The following PARM1 variants were observed in gnomAD, a reference collection of about 807,000 sequenced individuals.
The protein encoded by PARM1 is WSC4, cell wall integrity and stress response component 4 homolog.
In PARM1, 14 loss-of-function variants were observed where a neutral mutation model predicts 24.6. The observed-to-expected ratio is 0.57, with a 90% CI of 0.38 to 0.89. PARM1 has a LOEUF of 0.89. Ranked by LOEUF, PARM1 falls within the 40% of genes least tolerant of loss-of-function variation. PARM1 has a pLI of 0.00. For synonymous variants in PARM1, 179 were observed against 156.6 expected (o/e 1.14, Z -1.07); for missense variants, 362 against 380.4 (o/e 0.95, Z 0.40).
intron 1 of PARM1, among the ~76,000 whole-genome samples, chr4:74,941,758 A>G (rs1721314118): frequency 6.6e-6 from 1 of 152,198 alleles, no homozygotes; most frequent in Non-Finnish European, 1.5e-5. Flanking sequence ...TGTGATGTAA[A>G]GATGAAAGCA....
intron 1 of PARM1, among the ~76,000 whole-genome samples, chr4:74,963,105 C>T (rs947632671): frequency 1.3e-5 from 2 of 152,218 alleles, no homozygotes; most frequent in Admixed American, 1.3e-4. Context: ...TTCTCCTTTG[C>T]CTTCTGCTAT....
chr4:74,970,448 A>G (rs1471479663), intron 1 of PARM1: 1 of 152,214 alleles, frequency 6.6e-6, no homozygotes, highest in Non-Finnish European at 1.5e-5. Context: ...TCATTTAAGC[A>G]GTGGCACAGA....
At chr4:75,029,398 T>C (rs1162394612) in intron 2 of PARM1, among the ~76,000 whole-genome samples, 1 of 151,950 alleles carries the variant, frequency 6.6e-6, no homozygotes, top group African/African-American at 2.4e-5. Context: ...CCATGTGTCA[T>C]GGGAGGGACC....
chr4:74,961,701 CAAG>C (rs1363052265), intron 1 of PARM1, among the ~76,000 whole-genome samples: 1 of 152,062 alleles, frequency 6.6e-6, no homozygotes, highest in Non-Finnish European at 1.5e-5. Flanking sequence ...AGCTGTCAAC[CAAG>C]AATCCTATAT....
At position 75,046,433 on chromosome 4, in the gene PARM1, C is replaced by A. The variant is rs1330916177; in HGVS notation, c.*186C>A. The A allele has an allele frequency of 9.8e-6, 5 of 509,252 alleles. No individual in the cohort carries two copies. The highest frequency in any genetic ancestry group is 1.8e-5 in the Non-Finnish European group (5 of 280,296). 31.5% of individuals were successfully genotyped at this position (509,252 alleles called of 1,614,324 possible). ...CTTCCCCTTTCTGGTACAAGAAGAACCATTCTTTAAAGGTGAGTGGAGGCT... is the reference window on the plus strand; with the variant it reads ...CTTCCCCTTTCTGGTACAAGAAGAAACATTCTTTAAAGGTGAGTGGAGGCT... On this transcript the variant is annotated 3_prime_UTR_variant, in exon 4 of 4. Transcript: ENST00000307428.
chr4:75,013,120 A>AT lies in PARM1; in HGVS notation c.740dup (p.Met247IlefsTer49). ...CACCACCACCTTTCCCAGGGTGATC[A>AT]TGCAGGAAGTAGAACATGCATTAAG... On this transcript the variant is annotated frameshift_variant, in exon 2 of 4. Transcript: ENST00000307428. LOFTEE classifies it high-confidence loss of function. The AT allele has an allele frequency of 6.2e-7, 1 of 1,613,740 alleles. No homozygotes were observed. Among genetic ancestry groups the AT allele is most frequent in the South Asian group, 1.1e-5 (1 of 91,054 alleles).
intron 1 of PARM1, chr4:74,956,585 G>A (rs749896425): frequency 2.0e-5 from 3 of 152,124 alleles, no homozygotes; most frequent in Non-Finnish European, 4.4e-5. Flanking sequence ...CATTTTTTGT[G>A]AACTTGCATT....
chr4:74,970,281 C>T (rs1416320397), intron 1 of PARM1: 1 of 152,318 alleles, frequency 6.6e-6, no homozygotes, highest in Non-Finnish European at 1.5e-5. Flanking sequence ...CTAACTTGTA[C>T]CTCACCAGTC....
At chr4:74,989,796 A>G (rs1021388150) in intron 1 of PARM1, among the ~76,000 whole-genome samples, 2 of 152,134 alleles carry the variant, frequency 1.3e-5, no homozygotes, top group African/African-American at 4.8e-5. Context: ...AGCACACAAA[A>G]GACACTATTA....
intron 1 of PARM1, among the ~76,000 whole-genome samples, chr4:74,960,852 CA>C (rs60838371): frequency 0.098 from 13,899 of 141,798 alleles, 657 homozygotes; most frequent in African/African-American, 0.12. Context: ...ACTAAAAATA[CA>C]AAAAAAAAAA....
chr4:74,963,790 G>T (rs1721833080), intron 1 of PARM1, among the ~76,000 whole-genome samples: 1 of 151,944 alleles, frequency 6.6e-6, no homozygotes, highest in South Asian at 2.1e-4. Context: ...TCTTAAAAAT[G>T]GTTAAAATGG....
At chr4:75,028,561 A>G (rs1272720749) in intron 2 of PARM1, among the ~76,000 whole-genome samples, 2 of 152,252 alleles carry the variant, frequency 1.3e-5, no homozygotes, top group African/African-American at 4.8e-5. Flanking sequence ...GACTCTTCTC[A>G]AAATAGATCA....
chr4:74,951,569 C>G (rs930572949), intron 1 of PARM1, among the ~76,000 whole-genome samples: 1 of 152,086 alleles, frequency 6.6e-6, no homozygotes, highest in African/African-American at 2.4e-5. Context: ...AGGTATTTCT[C>G]CTAATGCTGT....
At chr4:74,958,546 A>G (rs1211674806) in intron 1 of PARM1, among the ~76,000 whole-genome samples, 2 of 152,226 alleles carry the variant, frequency 1.3e-5, no homozygotes, top group African/African-American at 4.8e-5. Context: ...CAAAGCATAT[A>G]CAAAGGTCCA....
At chr4:74,934,713 CTGGCTGCGGG>C (rs1721139822) in intron 1 of PARM1, among the ~76,000 whole-genome samples, 1 of 152,218 alleles carries the variant, frequency 6.6e-6, no homozygotes, top group Non-Finnish European at 1.5e-5. Context: ...GAGCTCCCGG[CTGGCTGCGGG>C]TGGTAATTCC....
chr4:74,984,225 T>C (rs1471108255), intron 1 of PARM1, among the ~76,000 whole-genome samples: 1 of 152,256 alleles, frequency 6.6e-6, no homozygotes, highest in Admixed American at 6.5e-5. Context: ...AACCACACTC[T>C]AGTTGAAAAC....
chr4:74,998,852 T>C (rs1722622787), intron 1 of PARM1, among the ~76,000 whole-genome samples: 3 of 152,212 alleles, frequency 2.0e-5, no homozygotes, highest in Non-Finnish European at 4.4e-5. Flanking sequence ...ATATCAGGAC[T>C]TAGGAAACAT....
chr4:74,978,230 G>A (rs932211587), intron 1 of PARM1, among the ~76,000 whole-genome samples: 3 of 152,180 alleles, frequency 2.0e-5, no homozygotes, highest in African/African-American at 7.2e-5. Context: ...CCCATCTCAT[G>A]TGCAAAGACC....
chr4:75,019,916 T>C (rs1417827169), intron 2 of PARM1, among the ~76,000 whole-genome samples: 2 of 139,758 alleles, frequency 1.4e-5, no homozygotes, highest in Non-Finnish European at 3.0e-5. Context: ...GGCAGGAGAA[T>C]GGCGTGAACC....
Sources: allele counts gnomAD v4.1 joint callset (sites outside exome capture counted in the v4.1 genomes callset), GRCh38; gene constraint gnomAD v4.1.1; transcripts MANE v1.5; gene names NCBI Gene and HGNC (gene_info 2026-07-23, HGNC 2026-07-21).